ITFG1: variants seen among roughly 807,000 people sequenced by gnomAD.
ITFG1 encodes the protein T-cell immunomodulatory protein.
Under a neutral mutation model 81.8 loss-of-function variants are expected in ITFG1, and 34 were observed. That is an observed-to-expected ratio of 0.42 (90% CI 0.32 to 0.55). The LOEUF is 0.55. Ranked by LOEUF, ITFG1 falls within the 20% of genes least tolerant of loss-of-function variation. The pLI, the probability that ITFG1 is intolerant of heterozygous loss-of-function variation, is 0.17. For missense variants in ITFG1, 672 were observed against 755.4 expected (o/e 0.89, Z 1.29); for synonymous variants, 285 against 270.6 (o/e 1.05, Z -0.52).
At chr16:47,370,161 C>A (rs992434032) in intron 7 of ITFG1, among the ~76,000 whole-genome samples, 1 of 151,958 alleles carries the variant, frequency 6.6e-6, no homozygotes, top group Non-Finnish European at 1.5e-5. Context: ...CTTCTAATAG[C>A]GGCAGGAGGC....
chr16:47,172,211 G>A (rs567396233), intron 14 of ITFG1, among the ~76,000 whole-genome samples: 3 of 152,256 alleles, frequency 2.0e-5, no homozygotes, highest in East Asian at 3.9e-4. Flanking sequence ...AGGCCTGGGT[G>A]TGGTGGCTCA....
intron 5 of ITFG1, among the ~76,000 whole-genome samples, chr16:47,435,870 T>C (rs181984406): frequency 3.3e-5 from 5 of 152,274 alleles, no homozygotes; most frequent in Admixed American, 6.5e-5. Context: ...TCAGCACAAA[T>C]AGCTGCAAAA....
chr16:47,260,703 C>G lies in ITFG1; in HGVS notation c.1071-8G>C. 6.2e-7 allele frequency: 1 copy of G among 1,614,068 alleles called. No individual in the cohort carries two copies. Reference sequence around the variant, plus strand: ...AAAAAGGCCTGCTGGTTGCTGTGCGCCAAAGGAAAGGCATTTCGTTAATAT... The same window carrying G: ...AAAAAGGCCTGCTGGTTGCTGTGCGGCAAAGGAAAGGCATTTCGTTAATAT... On this transcript the variant is annotated splice_region_variant and splice_polypyrimidine_tract_variant and intron_variant, in intron 10 of 17. Coordinates refer to ENST00000320640, the MANE Select transcript of ITFG1 (RefSeq NM_030790.5).
At chr16:47,226,177 T>C (rs1187128309) in intron 13 of ITFG1, among the ~76,000 whole-genome samples, 1 of 152,238 alleles carries the variant, frequency 6.6e-6, no homozygotes, top group East Asian at 1.9e-4. Flanking sequence ...ACGATGTTAG[T>C]TGTAATCCTG....
At chr16:47,265,724 GA>G (rs534375553) in intron 10 of ITFG1, among the ~76,000 whole-genome samples, 43 of 152,002 alleles carry the variant, frequency 2.8e-4, no homozygotes, top group Admixed American at 2.5e-3. Flanking sequence ...TTAGAAAGAG[GA>G]CAAAAACCAG....
At chr16:47,190,719 A>C (rs190200118) in intron 14 of ITFG1, among the ~76,000 whole-genome samples, 1 of 152,350 alleles carries the variant, frequency 6.6e-6, no homozygotes, top group African/African-American at 2.4e-5. Flanking sequence ...AGAATACTAC[A>C]TTCTTTCTTG....
At chr16:47,373,686 C>T (rs1968287896) in intron 7 of ITFG1, among the ~76,000 whole-genome samples, 1 of 152,168 alleles carries the variant, frequency 6.6e-6, no homozygotes, top group Non-Finnish European at 1.5e-5. Flanking sequence ...TCATACCAGC[C>T]AGGGTCATCC....
At chr16:47,325,177 A>T (rs1967515390) in intron 8 of ITFG1, among the ~76,000 whole-genome samples, 1 of 152,196 alleles carries the variant, frequency 6.6e-6, no homozygotes, top group South Asian at 2.1e-4. Flanking sequence ...GGATTAAGAA[A>T]CTCACTCAAA....
intron 13 of ITFG1, among the ~76,000 whole-genome samples, chr16:47,228,497 C>T (rs548971486): frequency 1.3e-5 from 2 of 152,284 alleles, no homozygotes; most frequent in East Asian, 1.9e-4. Flanking sequence ...CCCGGGATTA[C>T]AGGCGTGTGC....
At chr16:47,196,423 G>A (rs1965359109) in intron 14 of ITFG1, 1 of 152,168 alleles carries the variant, frequency 6.6e-6, no homozygotes, top group East Asian at 1.9e-4. Flanking sequence ...GAGCCCTGGG[G>A]TGTGGTGGTA....
intron 9 of ITFG1, among the ~76,000 whole-genome samples, chr16:47,311,694 A>C (rs557682097): frequency 5.0e-4 from 76 of 152,312 alleles, no homozygotes; most frequent in South Asian, 2.7e-3. Flanking sequence ...CTTAGGATTG[A>C]ACTGATATTA....
At chr16:47,164,513 T>G (rs1215855213) in intron 14 of ITFG1, among the ~76,000 whole-genome samples, 1 of 152,248 alleles carries the variant, frequency 6.6e-6, no homozygotes, top group Non-Finnish European at 1.5e-5. Context: ...GAATGAGGTG[T>G]TTTCCTTTCT....
rs77496245 is a variant in ITFG1, at chr16:47,385,155, C to T, written c.656-9215G>A. 9.6e-3 allele frequency among the ~76,000 whole-genome samples: 1,460 copies of T among 152,274 alleles called. 12 individuals carry two copies. Among genetic ancestry groups the T allele is most frequent in the South Asian group, 0.014 (70 of 4,832 alleles). ...ATTAGTGAAATGCTAACATTACCAA[C>T]ACGTGACATTGTGTTTATAAAGGTC... On this transcript the variant is annotated intron_variant, in intron 6 of 17. Coordinates refer to ENST00000320640, the MANE Select transcript of ITFG1 (RefSeq NM_030790.5).
intron 6 of ITFG1, chr16:47,396,236 G>A (rs1968591408): frequency 2.3e-6 from 2 of 865,788 alleles, no homozygotes; most frequent in Non-Finnish European, 2.8e-6. Context: ...CCAAAATGGA[G>A]TAGGTACAGC....
At chr16:47,375,792 G>T in intron 7 of ITFG1, 84 bp downstream of exon 7, 2 of 870,204 alleles carry the variant, frequency 2.3e-6, no homozygotes, top group South Asian at 2.8e-5. Context: ...TCAACCAAGT[G>T]ATTATTTTCA....
At position 47,341,411 on chromosome 16, in the gene ITFG1, A is replaced by G. The variant is rs553170844; in HGVS notation, c.802+24377T>C. Among the ~76,000 whole-genome samples the G allele has an allele frequency of 9.9e-3, 1,480 of 149,626 alleles. 13 individuals carry two copies. Among genetic ancestry groups the G allele is most frequent in the Non-Finnish European group, 0.016 (1,047 of 67,214 alleles). On this transcript the variant is annotated intron_variant, in intron 8 of 17. Transcript: ENST00000320640. ...AGGACTGCGCCACTGAAAAAAAAAAAAAAAAGAAAAAAAAAAAGAAAATAC... is the reference window on the plus strand; with the variant it reads ...AGGACTGCGCCACTGAAAAAAAAAAGAAAAAGAAAAAAAAAAAGAAAATAC...
intron 8 of ITFG1, among the ~76,000 whole-genome samples, chr16:47,359,863 C>A (rs1194118709): frequency 6.6e-6 from 1 of 152,186 alleles, no homozygotes; most frequent in African/African-American, 2.4e-5. Context: ...TTGTTTAATT[C>A]CCTCAGAGCT....
At chr16:47,348,734 C>G (rs1967899931) in intron 8 of ITFG1, among the ~76,000 whole-genome samples, 2 of 152,030 alleles carry the variant, frequency 1.3e-5, no homozygotes, top group Non-Finnish European at 2.9e-5. Context: ...TCCTTGAGAA[C>G]AGCAACTCCA....
intron 8 of ITFG1, among the ~76,000 whole-genome samples, chr16:47,326,275 A>G (rs527824788): frequency 6.6e-6 from 1 of 152,072 alleles, no homozygotes; most frequent in South Asian, 2.1e-4. Context: ...ATTCAACAAC[A>G]CTTCATGCTA....
Sources: allele counts gnomAD v4.1 joint callset (sites outside exome capture counted in the v4.1 genomes callset), GRCh38; gene constraint gnomAD v4.1.1; transcripts MANE v1.5; gene names NCBI Gene and HGNC (gene_info 2026-07-23, HGNC 2026-07-21).